The following TRPC1 variants were observed in gnomAD, a reference collection of about 807,000 sequenced individuals.
The protein encoded by TRPC1 is transient receptor potential cation channel subfamily C member 1.
Under a neutral mutation model 88.2 loss-of-function variants are expected in TRPC1, and 42 were observed. The ratio of observed to expected loss-of-function variants is 0.48; its 90% CI spans 0.37 to 0.62. The LOEUF (loss-of-function observed/expected upper bound fraction) is 0.62. Ranked by LOEUF, TRPC1 falls within the 20% of genes least tolerant of loss-of-function variation. The probability of loss-of-function intolerance (pLI) is 0.00; values close to 1 mark genes in which losing one functional copy is unlikely to be tolerated. For missense variants in TRPC1, 699 were observed against 957.3 expected (o/e 0.73, Z 3.56); for synonymous variants, 288 against 331.8 (o/e 0.87, Z 1.43).
intron 9 of TRPC1, among the ~76,000 whole-genome samples, chr3:142,799,556 A>G (rs578052942): frequency 6.6e-6 from 1 of 152,138 alleles, no homozygotes; most frequent in Non-Finnish European, 1.5e-5. Flanking sequence ...TTCTAATTGC[A>G]GCACTTTGGG....
At chr3:142,768,103 G>A (rs1343280009) in intron 4 of TRPC1, among the ~76,000 whole-genome samples, 2 of 151,906 alleles carry the variant, frequency 1.3e-5, no homozygotes, top group African/African-American at 4.8e-5. Flanking sequence ...GAGGGTCCAT[G>A]GCTCAGCATA....
intron 4 of TRPC1, among the ~76,000 whole-genome samples, chr3:142,769,701 T>C (rs1935510766): frequency 2.0e-5 from 3 of 152,218 alleles, no homozygotes; most frequent in South Asian, 2.1e-4. Context: ...TTTCTTGTTA[T>C]TGATTTCTAA....
chr3:142,770,309 C>A (rs572467651), intron 4 of TRPC1, among the ~76,000 whole-genome samples: 1 of 152,086 alleles, frequency 6.6e-6, no homozygotes, highest in African/African-American at 2.4e-5. Flanking sequence ...GTTGGCCAGG[C>A]TGGTCTTGAA....
At chr3:142,763,981 T>TATATATATATATATATATATAC (rs1162744315) in intron 4 of TRPC1, among the ~76,000 whole-genome samples, 18 of 62,608 alleles carry the variant, frequency 2.9e-4, no homozygotes, top group Non-Finnish European at 4.2e-4. Flanking sequence ...TATATATATA[T>TATATATATATATATATATATAC]ATACACATAC....
rs1350347671 is a variant in TRPC1, at chr3:142,724,308, C to G, written c.-252C>G. ...GCGCGGACCGGCTCGGCCGGGGCGC[C>G]GGCGGCTGGGGAGGGGTCGCTGGCC... On this transcript the variant is annotated 5_prime_UTR_variant, in exon 1 of 13. Coordinates refer to ENST00000476941, the MANE Select transcript of TRPC1 (RefSeq NM_001251845.2). The surrounding 1 kb of genome is among the most constrained non-coding windows in gnomAD (Gnocchi z 5.6). 3.9e-6 allele frequency: 1 copy of G among 256,026 alleles called. No homozygotes were observed. Among genetic ancestry groups the G allele is most frequent in the East Asian group, 7.0e-5 (1 of 14,242 alleles). 15.9% of individuals were successfully genotyped at this position (256,026 alleles called of 1,614,324 possible).
At position 142,780,580 on chromosome 3, in the gene TRPC1, T is replaced by G. The variant is rs113566626; in HGVS notation, c.765-254T>G. On this transcript the variant is annotated intron_variant, in intron 5 of 12. Coordinates refer to ENST00000476941, the MANE Select transcript of TRPC1 (RefSeq NM_001251845.2). The stretch of plus-strand genomic sequence containing the variant: ...AGAATTTTTAGGAATAACATCAGTA[T>G]ATATAAATGAACACTGTGCTCATCT... Among the ~76,000 whole-genome samples the G allele has an allele frequency of 9.7e-4, 147 of 152,290 alleles. 1 individual carries two copies. The highest frequency in any genetic ancestry group is 1.2e-3 in the Admixed American group (18 of 15,300).
chr3:142,782,085 G>C (rs73864432), intron 6 of TRPC1, among the ~76,000 whole-genome samples: 3,393 of 152,130 alleles, frequency 0.022, 130 homozygotes, highest in African/African-American at 0.077. Flanking sequence ...GATAGAATAA[G>C]GGGATTACAT....
intron 2 of TRPC1, among the ~76,000 whole-genome samples, chr3:142,741,217 A>G (rs1211084300): frequency 6.7e-6 from 1 of 148,196 alleles, no homozygotes; most frequent in Non-Finnish European, 1.5e-5. Context: ...TAAAACATTT[A>G]TTTCTCTCAT....
chr3:142,784,651 A>G, intron 6 of TRPC1, 53 bp from the exon 7 acceptor site: 2 of 1,367,316 alleles, frequency 1.5e-6, no homozygotes, highest in Admixed American at 2.3e-5. Flanking sequence ...ATCAGTATTT[A>G]AAGGTTTCCT....
chr3:142,764,302 C>T (rs1466200117), intron 4 of TRPC1, among the ~76,000 whole-genome samples: 1 of 151,980 alleles, frequency 6.6e-6, no homozygotes, highest in African/African-American at 2.4e-5. Context: ...ACCACAGATA[C>T]AGTAATAGAT....
Position 142,768,808 on chromosome 3 carries a change from G to A in TRPC1, c.633-8824G>A, listed in dbSNP as rs558591255. 4.0e-5 allele frequency among the ~76,000 whole-genome samples: 6 copies of A among 151,738 alleles called. No individual in the cohort carries two copies. The South Asian group carries it at 8.3e-4, about 21-fold the overall frequency. ...TTACAATCTATTTCAAGTTGATATC[G>A]ACTTAAAACGTAACAACTTTGCTTT... On this transcript the variant is annotated intron_variant, in intron 4 of 12. Coordinates refer to ENST00000476941, the MANE Select transcript of TRPC1 (RefSeq NM_001251845.2).
intron 4 of TRPC1, among the ~76,000 whole-genome samples, chr3:142,759,648 G>C (rs1348349967): frequency 6.6e-6 from 1 of 152,084 alleles, no homozygotes; most frequent in African/African-American, 2.4e-5. Context: ...CCATTCTGTA[G>C]GTTGTAGTTT....
At chr3:142,744,023 A>G (rs1002107195) in intron 3 of TRPC1, among the ~76,000 whole-genome samples, 2 of 152,158 alleles carry the variant, frequency 1.3e-5, no homozygotes, top group Admixed American at 1.3e-4. Context: ...AAAAAAGTTA[A>G]ATTTTTGGAA....
At chr3:142,801,963 T>C (rs563020563) in intron 9 of TRPC1, among the ~76,000 whole-genome samples, 3 of 152,088 alleles carry the variant, frequency 2.0e-5, no homozygotes, top group Non-Finnish European at 1.5e-5. Context: ...CATCTAACAC[T>C]GATAGTGTTG....
chr3:142,747,859 T>G (rs1934616080), intron 3 of TRPC1, among the ~76,000 whole-genome samples: 1 of 152,202 alleles, frequency 6.6e-6, no homozygotes, highest in East Asian at 1.9e-4. Flanking sequence ...CATGTTAATA[T>G]TCTCCCTATT....
At position 142,724,812 on chromosome 3, in the gene TRPC1, G is replaced by C; in HGVS notation, c.172+81G>C. 1 of 1,421,328 alleles carries C rather than the reference G, an allele frequency of 7.0e-7. No homozygotes were observed. The highest frequency in any genetic ancestry group is 2.6e-5 in the Admixed American group (1 of 38,422). The allele number at this position is 1,421,328 out of a possible 1,614,324, so 88.0% of individuals were successfully genotyped here. A position where few individuals can be genotyped will look rare whatever the true frequency, so the allele number is the denominator to read the frequency against. ...CTCTCCCCCGCCTCAACTTATATCG[G>C]GGCATTCCCTCTGTCTCAGGCGCCG... On this transcript the variant is annotated intron_variant, in intron 1 of 12. Coordinates refer to ENST00000476941, the MANE Select transcript of TRPC1 (RefSeq NM_001251845.2). This position sits in a 1 kb window ranked among gnomAD's most constrained non-coding sequence, Gnocchi z 5.6.
At chr3:142,805,129 T>C (rs80342433) in intron 12 of TRPC1, among the ~76,000 whole-genome samples, 2,696 of 95,200 alleles carry the variant, frequency 0.028, 37 homozygotes, top group African/African-American at 0.076. Context: ...AATATATATA[T>C]ACACACACAC....
intron 1 of TRPC1, 126 bp from the exon 2 acceptor site, chr3:142,736,253 C>T: frequency 1.6e-6 from 1 of 625,884 alleles, no homozygotes; most frequent in Middle Eastern, 4.5e-4. Context: ...TCTCTGTGTA[C>T]ATTTTCTTAT....
intron 1 of TRPC1, among the ~76,000 whole-genome samples, chr3:142,726,483 G>C (rs1019429334): frequency 6.6e-5 from 10 of 152,064 alleles, no homozygotes; most frequent in Admixed American, 5.9e-4. Context: ...CTTGGCTTTG[G>C]GGGGGTAGGG....
Sources: allele counts gnomAD v4.1 joint callset (sites outside exome capture counted in the v4.1 genomes callset), GRCh38; gene constraint gnomAD v4.1.1; non-coding constraint Gnocchi (gnomAD v3.1); transcripts MANE v1.5; gene names NCBI Gene and HGNC (gene_info 2026-07-23, HGNC 2026-07-21).